Variants in CARD8 observed in about 807,000 individuals in gnomAD.
CARD8 encodes the protein caspase recruitment domain-containing protein 8.
A neutral mutation model predicts 53.2 loss-of-function variants in CARD8; 38 were observed. The observed-to-expected ratio is 0.71, with a 90% confidence interval of 0.55 to 0.94. The LOEUF (loss-of-function observed/expected upper bound fraction) is 0.94, where lower values mean the gene tolerates loss of function less well. CARD8 is among the 40% of genes least tolerant of loss of function. CARD8 has a pLI of 0.00. For missense variants in CARD8, 561 were observed against 655.5 expected (o/e 0.86, Z 1.57); for synonymous variants, 245 against 244.9 (o/e 1.00, Z 0.00).
At chr19:48,220,985 G>GGAAA (rs2040449021) in intron 11 of CARD8, among the ~76,000 whole-genome samples, 1 of 95,228 alleles carries the variant, frequency 1.1e-5, no homozygotes, top group Admixed American at 1.2e-4. Context: ...AAGGAAGGAA[G>GGAAA]GAAGGAAGGA....
rs1446663253 is a variant in CARD8, at chr19:48,208,224, T to C, written c.*3486A>G. ...CTGCAAAATTCCACTGTCCTTACGA[T>C]CACAATCATGAAGAGGATGGAGCTG... On this transcript the variant is annotated 3_prime_UTR_variant, in exon 14 of 14. Transcript: ENST00000651546. 6.6e-6 allele frequency: 1 copy of C among 152,184 alleles called. No individual in the cohort carries two copies. Among genetic ancestry groups the C allele is most frequent in the Non-Finnish European group, 1.5e-5 (1 of 68,036 alleles). The allele number at this position is 152,184 out of a possible 1,614,324, so 9.4% of individuals were successfully genotyped here. A position where few individuals can be genotyped will look rare whatever the true frequency, so the allele number is the denominator to read the frequency against.
intron 13 of CARD8, among the ~76,000 whole-genome samples, chr19:48,214,601 A>G (rs532378402): frequency 6.6e-6 from 1 of 152,206 alleles, no homozygotes; most frequent in Admixed American, 6.5e-5. Context: ...GCAGGCGACC[A>G]GCCCACCCCA....
intron 10 of CARD8, among the ~76,000 whole-genome samples, chr19:48,226,488 G>A (rs1050682469): frequency 1.3e-5 from 2 of 152,138 alleles, no homozygotes; most frequent in African/African-American, 4.8e-5. Context: ...GCCTCCCAAA[G>A]TGCTGAGATT....
At position 48,211,384 on chromosome 19, in the gene CARD8, A is replaced by G. The variant is rs557407280; in HGVS notation, c.*326T>C. On this transcript the variant is annotated 3_prime_UTR_variant, in exon 14 of 14. Transcript: ENST00000651546. ...AGGAAAAGTTGCCTTTCCAGGCCCCATCCTTCATAAACACACCTATCCGGA... is the reference window on the plus strand; with the variant it reads ...AGGAAAAGTTGCCTTTCCAGGCCCCGTCCTTCATAAACACACCTATCCGGA... The G allele has an allele frequency of 1.1e-3, 231 of 212,910 alleles. 3 individuals carry two copies. Among genetic ancestry groups the G allele is most frequent in the South Asian group, 1.8e-3 (18 of 9,830 alleles). The allele number at this position is 212,910 out of a possible 1,614,324, so 13.2% of individuals were successfully genotyped here.
Position 48,221,792 on chromosome 19 carries a change from G to T in CARD8, c.1099C>A (p.Pro367Thr). 1 of 1,609,022 alleles carries T rather than the reference G, an allele frequency of 6.2e-7. No homozygotes were observed. The highest frequency in any genetic ancestry group is 8.5e-7 in the Non-Finnish European group (1 of 1,176,246). The change falls in exon 11 of 14, where the codon CCC becomes ACC. Residue 367 changes from proline to threonine, a missense_variant. Physicochemically the swap from Pro to Thr is conservative, Grantham distance 38 (BLOSUM62 -1). Coordinates refer to ENST00000651546, the MANE Select transcript of CARD8 (RefSeq NM_001184900.3). Reference sequence around the variant, plus strand: ...ATATAACTGGAACCAAAGTTCAGGGGTTCCATTGGGGGCGAAGTCTGCAGG... The same window carrying T: ...ATATAACTGGAACCAAAGTTCAGGGTTTCCATTGGGGGCGAAGTCTGCAGG... Reference protein sequence around the residue: ...VRLQTSPPMEPLNFGSSYIVS... With the variant: ...VRLQTSPPMETLNFGSSYIVS...
chr19:48,231,627 G>T, intron 8 of CARD8, 33 bp downstream of exon 8: 1 of 1,556,340 alleles, frequency 6.4e-7, no homozygotes, highest in Non-Finnish European at 8.7e-7. Context: ...ATATCAGAGT[G>T]GTTTTCAAAT....
At position 48,230,560 on chromosome 19, in the gene CARD8, T is replaced by A. The variant is rs754907306; in HGVS notation, c.913A>T (p.Ile305Phe). Reference protein sequence around the residue: ...SFSLMGILLRIASGTRLSIPI... With the variant: ...SFSLMGILLRFASGTRLSIPI... Reference sequence around the variant, plus strand: ...ATGGAGAGGCGAGTCCCACTGGCGATCCGCAGCAGGATGCCCATCAGAGAG... The same window carrying A: ...ATGGAGAGGCGAGTCCCACTGGCGAACCGCAGCAGGATGCCCATCAGAGAG... The change falls in exon 10 of 14, where the codon ATC (isoleucine) becomes TTC (phenylalanine). Residue 305 changes from isoleucine (I) to phenylalanine (F), a missense_variant. Ile to Phe is a conservative substitution (Grantham distance 21, BLOSUM62 0). Transcript: ENST00000651546. The A allele has an allele frequency of 5.0e-6, 8 of 1,614,032 alleles. No individual in the cohort carries two copies. The Admixed American group carries it at 1.2e-4, about 24-fold the overall frequency.
intron 6 of CARD8, chr19:48,233,503 A>G (rs544770434): frequency 2.4e-6 from 1 of 419,658 alleles, no homozygotes. Context: ...TGACATCCTA[A>G]GACTGGTTGC....
intron 11 of CARD8, among the ~76,000 whole-genome samples, chr19:48,219,842 G>C (rs2040130052): frequency 6.6e-6 from 1 of 152,028 alleles, no homozygotes; most frequent in African/African-American, 2.4e-5. Context: ...GTGGTGGCAG[G>C]TGCCTGTAGT....
chr19:48,231,584 T>G, intron 8 of CARD8, 76 bp downstream of exon 8: 2 of 1,441,332 alleles, frequency 1.4e-6, no homozygotes, highest in Non-Finnish European at 1.9e-6. Context: ...ATTACAGGCC[T>G]GAGCCACCAC....
At chr19:48,242,554 T>G (rs1452928206) in intron 3 of CARD8, 2 of 152,248 alleles carry the variant, frequency 1.3e-5, no homozygotes, top group Non-Finnish European at 2.9e-5. Context: ...TTTGCTTTCA[T>G]GGCTGAATAA....
intron 10 of CARD8, among the ~76,000 whole-genome samples, chr19:48,229,905 G>A (rs1340186562): frequency 6.6e-6 from 1 of 152,152 alleles, no homozygotes; most frequent in Non-Finnish European, 1.5e-5. Flanking sequence ...CTGAGGTCAG[G>A]AGTTCAAAAC....
At chr19:48,222,058 A>G (rs908682292) in intron 10 of CARD8, among the ~76,000 whole-genome samples, 4 of 152,226 alleles carry the variant, frequency 2.6e-5, no homozygotes, top group Non-Finnish European at 5.9e-5. Context: ...ACAAAGAGAC[A>G]TATTGATGAA....
At chr19:48,207,212 G>A (rs1258525273), downstream of CARD8, among the ~76,000 whole-genome samples, 1 of 149,238 alleles carries the variant, frequency 6.7e-6, no homozygotes, top group Non-Finnish European at 1.5e-5. Context: ...ATGCTGAATT[G>A]GCCAAATATT....
chr19:48,223,855 C>T, intron 10 of CARD8: 1 of 456,164 alleles, frequency 2.2e-6, no homozygotes, highest in Non-Finnish European at 4.4e-6. Flanking sequence ...TATCCTCAGC[C>T]TCTAAAATAG....
intron 5 of CARD8, among the ~76,000 whole-genome samples, chr19:48,237,811 A>G (rs936651869): frequency 2.0e-5 from 3 of 151,890 alleles, no homozygotes; most frequent in Admixed American, 6.6e-5. Context: ...AAAAAAGAAA[A>G]AAAGTATTAT....
Position 48,230,676 on chromosome 19 carries a change from A to C in CARD8, c.797T>G (p.Phe266Cys), listed in dbSNP as rs780417861. ...LQAGEVDVSW[F>C]LVAHFKNEGM... Reference sequence around the variant, plus strand: ...TTCATTCTTAAAATGGGCAACGAGAAACCAGGAGACGTCCACCTCACCTGC... The same window carrying C: ...TTCATTCTTAAAATGGGCAACGAGACACCAGGAGACGTCCACCTCACCTGC... The change falls in exon 10 of 14, where the codon TTT becomes TGT. Residue 266 changes from phenylalanine (F) to cysteine (C), a missense_variant. Coordinates refer to ENST00000651546, the MANE Select transcript of CARD8 (RefSeq NM_001184900.3). 6.8e-6 allele frequency: 11 copies of C among 1,613,852 alleles called. No homozygotes were observed. Among genetic ancestry groups the C allele is most frequent in the Non-Finnish European group, 8.5e-6 (10 of 1,179,936 alleles).
rs531199248 is a variant in CARD8 at position 48,214,769 on chromosome 19, C to CTTTTTTTTTTTTT, written c.1348+558_1348+570dup. 3.0e-4 allele frequency among the ~76,000 whole-genome samples: 27 copies of CTTTTTTTTTTTTT among 89,568 alleles called. 2 individuals are homozygous for CTTTTTTTTTTTTT. The highest frequency in any genetic ancestry group is 4.4e-4 in the African/African-American group (9 of 20,586). 58.8% of individuals were successfully genotyped at this position (89,568 alleles called of 152,430 possible). A position where few individuals can be genotyped will look rare whatever the true frequency, so the allele number is the denominator to read the frequency against. On this transcript the variant is annotated intron_variant, in intron 13 of 13. Coordinates refer to ENST00000651546, the MANE Select transcript of CARD8 (RefSeq NM_001184900.3). The stretch of plus-strand genomic sequence containing the variant: ...CCTTCCTTTCATTCCTGCTATAAAG[C>CTTTTTTTTTTTTT]TTTTTTTTTTTTTTTTTTTTTTTTT...
In CARD8 at chr19:48,231,306, A is replaced by T. The variant is rs903754948; in HGVS notation, c.543-300T>A. On this transcript the variant is annotated intron_variant, in intron 8 of 13. Coordinates refer to ENST00000651546, the MANE Select transcript of CARD8 (RefSeq NM_001184900.3). Reference sequence around the variant, plus strand: ...CGCTTCCTTTTGTATTTATATTTTTATTTATTTATTTATTTTGAGACAAAG... The same window carrying T: ...CGCTTCCTTTTGTATTTATATTTTTTTTTATTTATTTATTTTGAGACAAAG... 1.3e-4 allele frequency among the ~76,000 whole-genome samples: 19 copies of T among 151,914 alleles called. 1 individual carries two copies. Among genetic ancestry groups the T allele is most frequent in the Non-Finnish European group, 2.1e-4 (14 of 67,896 alleles).
Sources: gnomAD v4.1 joint callset for allele counts (sites outside exome capture counted in the v4.1 genomes callset) on GRCh38, gnomAD v4.1.1 for gene constraint, MANE v1.5 for transcripts, NCBI Gene and HGNC (gene_info 2026-07-23, HGNC 2026-07-21) for gene names.